The following CNTNAP2 variants were observed in gnomAD, a reference collection of about 807,000 sequenced individuals.
CNTNAP2 encodes the protein contactin-associated protein-like 2.
A neutral mutation model predicts 155.2 loss-of-function variants in CNTNAP2; 98 were observed. The observed-to-expected ratio is 0.63, with a 90% CI of 0.54 to 0.75. CNTNAP2 has a LOEUF of 0.75. Among genes scored for constraint, CNTNAP2 ranks in the 30% least tolerant of loss-of-function variants. CNTNAP2 has a pLI of 0.00. For synonymous variants in CNTNAP2, 651 were observed against 631.2 expected (o/e 1.03, Z -0.47); for missense variants, 1,727 against 1,688.1 (o/e 1.02, Z -0.40).
chr7:147,671,029 C>A (rs1795778539), intron 13 of CNTNAP2, among the ~76,000 whole-genome samples: 1 of 152,196 alleles, frequency 6.6e-6, no homozygotes, highest in Non-Finnish European at 1.5e-5. Context: ...CCTGCTGGTG[C>A]CCAAAAGCAC....
At chr7:146,309,554 C>T (rs1263034167) in intron 1 of CNTNAP2, among the ~76,000 whole-genome samples, 1 of 152,112 alleles carries the variant, frequency 6.6e-6, no homozygotes, top group African/African-American at 2.4e-5. Flanking sequence ...GTAATCCCAG[C>T]ATTTTGGGAG....
chr7:147,220,532 G>T (rs1265807364), intron 8 of CNTNAP2, among the ~76,000 whole-genome samples: 1 of 152,134 alleles, frequency 6.6e-6, no homozygotes, highest in East Asian at 1.9e-4. Context: ...TATACCAATT[G>T]ATATAGTTGA....
At chr7:146,934,367 C>T (rs1796862294) in intron 3 of CNTNAP2, among the ~76,000 whole-genome samples, 1 of 145,748 alleles carries the variant, frequency 6.9e-6, no homozygotes, top group Non-Finnish European at 1.5e-5. Context: ...CGCATATTCT[C>T]ACTCATAGAT....
At chr7:147,551,567 A>G (rs1330374368) in intron 11 of CNTNAP2, among the ~76,000 whole-genome samples, 2 of 152,182 alleles carry the variant, frequency 1.3e-5, no homozygotes, top group Middle Eastern at 3.2e-3. Context: ...AACCTGTCCT[A>G]TTATAAAACA....
chr7:147,819,390 A>T (rs561216851), intron 13 of CNTNAP2, among the ~76,000 whole-genome samples: 6 of 152,110 alleles, frequency 3.9e-5, no homozygotes, highest in Non-Finnish European at 2.9e-5. Context: ...CATTATATAT[A>T]CGTTTCTCTT....
At chr7:147,542,060 G>GT (rs1224768231) in intron 11 of CNTNAP2, among the ~76,000 whole-genome samples, 1 of 152,078 alleles carries the variant, frequency 6.6e-6, no homozygotes, top group Non-Finnish European at 1.5e-5. Flanking sequence ...ACTATCACGT[G>GT]TTTTTCCAAT....
At chr7:146,685,368 A>C (rs1269910806) in intron 1 of CNTNAP2, among the ~76,000 whole-genome samples, 2 of 152,198 alleles carry the variant, frequency 1.3e-5, no homozygotes, top group African/African-American at 2.4e-5. Context: ...AACAACATGC[A>C]TCTCAGATTA....
intron 15 of CNTNAP2, among the ~76,000 whole-genome samples, chr7:148,024,747 ATGT>A (rs1802347299): frequency 6.6e-6 from 1 of 152,158 alleles, no homozygotes; most frequent in Non-Finnish European, 1.5e-5. Context: ...TGCATACGGG[ATGT>A]TATTATTCTT....
intron 13 of CNTNAP2, among the ~76,000 whole-genome samples, chr7:147,895,798 C>T (rs750637646): frequency 3.9e-5 from 6 of 152,136 alleles, no homozygotes; most frequent in Non-Finnish European, 5.9e-5. Flanking sequence ...TAAATTGAAC[C>T]GTTCTCCTCT....
At position 148,415,596 on chromosome 7, in the gene CNTNAP2, A is replaced by T; in HGVS notation, c.3976A>T (p.Lys1326Ter). The change falls in exon 24 of 24, where the codon AAA becomes TAA. Residue 1326 changes from lysine (K) to a stop codon, truncating the protein, a stop_gained. Coordinates refer to ENST00000361727, the MANE Select transcript of CNTNAP2 (RefSeq NM_014141.6). LOFTEE classifies it high-confidence loss of function. ...PNFTETIDES[K>*]KEWLI ...CTTCACAGAGACCATTGATGAAAGC[A>T]AAAAGGAATGGCTCATTTGAGGGGT... 1.2e-6 allele frequency: 2 copies of T among 1,614,200 alleles called. No homozygotes were observed. The highest frequency in any genetic ancestry group is 1.7e-6 in the Non-Finnish European group (2 of 1,180,022).
chr7:147,543,175 A>T (rs1799669360), intron 11 of CNTNAP2, among the ~76,000 whole-genome samples: 1 of 152,276 alleles, frequency 6.6e-6, no homozygotes, highest in African/African-American at 2.4e-5. Context: ...AACTAAAAGT[A>T]TCCCTCATGG....
intron 1 of CNTNAP2, among the ~76,000 whole-genome samples, chr7:146,522,201 T>C (rs1003788041): frequency 1.3e-5 from 2 of 152,118 alleles, no homozygotes; most frequent in Non-Finnish European, 2.9e-5. Context: ...TTCCATGTTT[T>C]ATTTTCTGGG....
chr7:147,670,451 C>G (rs1177683299), intron 13 of CNTNAP2, among the ~76,000 whole-genome samples: 2 of 152,170 alleles, frequency 1.3e-5, no homozygotes, highest in East Asian at 3.9e-4. Context: ...GTTTCTGGCT[C>G]AAATATTTCC....
chr7:148,164,615 T>C (rs977658449), intron 17 of CNTNAP2, among the ~76,000 whole-genome samples: 4 of 119,694 alleles, frequency 3.3e-5, no homozygotes, highest in East Asian at 2.3e-4. Flanking sequence ...CTCTCTCTTT[T>C]TTTTTTTTTT....
At chr7:147,082,274 C>A (rs369756975) in intron 4 of CNTNAP2, among the ~76,000 whole-genome samples, 11 of 152,306 alleles carry the variant, frequency 7.2e-5, no homozygotes, top group African/African-American at 2.2e-4. Flanking sequence ...GACCAACATG[C>A]TCCCCTTTTC....
chr7:148,016,316 C>T (rs1240524378), intron 15 of CNTNAP2, among the ~76,000 whole-genome samples: 2 of 152,176 alleles, frequency 1.3e-5, no homozygotes, highest in African/African-American at 4.8e-5. Flanking sequence ...AGCCCAGGTG[C>T]CTGACTTGTG....
At chr7:147,120,093 A>T (rs761639319) in intron 5 of CNTNAP2, among the ~76,000 whole-genome samples, 2 of 152,216 alleles carry the variant, frequency 1.3e-5, no homozygotes, top group African/African-American at 2.4e-5. Flanking sequence ...TAATTAAAAG[A>T]TAACAAGTAA....
chr7:146,494,492 T>A (rs2129131867), intron 1 of CNTNAP2, among the ~76,000 whole-genome samples: 1 of 152,250 alleles, frequency 6.6e-6, no homozygotes, highest in South Asian at 2.1e-4. Context: ...ATCTTTAAAA[T>A]TCTGTTACAA....
In CNTNAP2 at chr7:147,083,567, CATATATATGTATATATATAT is replaced by C. The variant is rs1563070337; in HGVS notation, c.551-24578_551-24559del. On this transcript the variant is annotated intron_variant, in intron 4 of 23. Transcript: ENST00000361727. ...ATATATATGTATATATATATATACA[CATATATATGTATATATATAT>C]ACACACACACGTCTATAATGCTATA... is the stretch of plus-strand genomic sequence containing the variant. Among the ~76,000 whole-genome samples the C allele has an allele frequency of 1.6e-3, 221 of 140,226 alleles. 2 individuals carry two copies. The highest frequency in any genetic ancestry group is 5.1e-3 in the African/African-American group (193 of 37,612). The allele number at this position is 140,226 out of a possible 152,430, so 92.0% of individuals were successfully genotyped here.
Sources: allele counts gnomAD v4.1 joint callset (sites outside exome capture counted in the v4.1 genomes callset), GRCh38; gene constraint gnomAD v4.1.1; transcripts MANE v1.5; gene names NCBI Gene and HGNC (gene_info 2026-07-23, HGNC 2026-07-21).